The following FUT8 variants were observed in gnomAD, a reference collection of about 807,000 sequenced individuals.
FUT8 encodes alpha-(1,6)-fucosyltransferase.
FUT8 carries 29 observed loss-of-function variants against 71.3 expected under a neutral mutation model. The observed-to-expected ratio is 0.41, with a 90% CI of 0.30 to 0.55. The LOEUF is 0.55. Ranked by LOEUF, FUT8 falls within the 20% of genes least tolerant of loss-of-function variation. The pLI is 0.34. For synonymous variants in FUT8, 254 were observed against 239.3 expected, an observed-to-expected ratio of 1.06 and a Z score of -0.57; for missense variants, 544 against 702.1, an observed-to-expected ratio of 0.77 and a Z score of 2.55.
At chr14:65,707,372 T>G (rs142476554) in intron 7 of FUT8, among the ~76,000 whole-genome samples, 1 of 152,354 alleles carries the variant, frequency 6.6e-6, no homozygotes, top group African/African-American at 2.4e-5. Context: ...GCTATTGTTG[T>G]TTGAGTTGCT....
At chr14:65,704,927 T>C (rs1894484776) in intron 7 of FUT8, among the ~76,000 whole-genome samples, 1 of 152,234 alleles carries the variant, frequency 6.6e-6, no homozygotes, top group African/African-American at 2.4e-5. Context: ...TGAGATCAGT[T>C]AACCATAAGT....
chr14:65,730,325 A>G (rs1272021692), intron 9 of FUT8, among the ~76,000 whole-genome samples: 1 of 152,202 alleles, frequency 6.6e-6, no homozygotes, highest in Non-Finnish European at 1.5e-5. Context: ...TTCTGTGTGA[A>G]GATGATTGGT....
the FUT8 span, among the ~76,000 whole-genome samples, chr14:65,366,879 G>C: frequency 5.3e-5 from 8 of 152,158 alleles, no homozygotes; most frequent in African/African-American, 1.9e-4. Flanking sequence ...TTCTGAAGAG[G>C]CTACAGATTC....
At chr14:65,580,517 A>G (rs1270800541) in intron 3 of FUT8, among the ~76,000 whole-genome samples, 3 of 151,912 alleles carry the variant, frequency 2.0e-5, no homozygotes, top group African/African-American at 4.8e-5. Flanking sequence ...ATAACACACT[A>G]TGTATACACA....
chr14:65,553,522 C>T (rs1816908282), intron 2 of FUT8, among the ~76,000 whole-genome samples: 1 of 151,978 alleles, frequency 6.6e-6, no homozygotes, highest in South Asian at 2.1e-4. Context: ...GTGTGCAGAT[C>T]TGCATTTTTA....
At chr14:65,541,458 G>A (rs183345081) in intron 2 of FUT8, among the ~76,000 whole-genome samples, 5 of 152,264 alleles carry the variant, frequency 3.3e-5, no homozygotes, top group African/African-American at 1.2e-4. Flanking sequence ...GCCTTCGGAG[G>A]GGATTGCTGC....
intron 6 of FUT8, chr14:65,646,712 C>G (rs967309146): frequency 1.3e-5 from 2 of 152,020 alleles, no homozygotes; most frequent in African/African-American, 4.8e-5. Context: ...ACTGCCTCCT[C>G]TTCCTCTATC....
chr14:65,511,208 A>G (rs1169573126), intron 2 of FUT8, among the ~76,000 whole-genome samples: 1 of 152,110 alleles, frequency 6.6e-6, no homozygotes. Flanking sequence ...ATATATTTGT[A>G]TAGTTTCCAA....
chr14:65,724,475 A>T, intron 9 of FUT8, 152 bp downstream of exon 9: 1 of 558,008 alleles, frequency 1.8e-6, no homozygotes, highest in East Asian at 3.1e-5. Flanking sequence ...TGTAACTGTC[A>T]GTCTAATCAA....
intron 7 of FUT8, among the ~76,000 whole-genome samples, chr14:65,679,523 A>G (rs1892935487): frequency 6.6e-6 from 1 of 152,210 alleles, no homozygotes; most frequent in South Asian, 2.1e-4. Flanking sequence ...TGCATTAATA[A>G]TGGAAATTGA....
At chr14:65,538,115 A>G (rs934719557) in intron 2 of FUT8, among the ~76,000 whole-genome samples, 3 of 152,188 alleles carry the variant, frequency 2.0e-5, no homozygotes, top group African/African-American at 7.2e-5. Flanking sequence ...AGTCGAGCCT[A>G]GTGGGTTAGG....
At chr14:65,362,570 C>T in the FUT8 span, among the ~76,000 whole-genome samples, 8 of 152,164 alleles carry the variant, frequency 5.3e-5, no homozygotes, top group South Asian at 4.2e-4. Flanking sequence ...AAGGGTGATA[C>T]GCAATGCTAA....
intron 3 of FUT8, among the ~76,000 whole-genome samples, chr14:65,595,695 G>C (rs866037700): frequency 3.9e-5 from 5 of 128,406 alleles, no homozygotes; most frequent in Non-Finnish European, 6.3e-5. Context: ...TGCAAGCTCC[G>C]CCTCCCGGGT....
At chr14:65,551,689 A>G (rs994394614) in intron 2 of FUT8, among the ~76,000 whole-genome samples, 5 of 152,194 alleles carry the variant, frequency 3.3e-5, no homozygotes, top group East Asian at 1.9e-4. Flanking sequence ...TATATTATGT[A>G]TAGCTTTTTG....
the FUT8 span, among the ~76,000 whole-genome samples, chr14:65,376,267 C>G: frequency 2.0e-3 from 299 of 152,252 alleles, 5 homozygotes; most frequent in Non-Finnish European, 8.7e-4. Flanking sequence ...AGACAGTTGG[C>G]AGAAAGGCTT....
chr14:65,635,774 G>T lies in FUT8; in HGVS notation c.597+6168G>T, dbSNP rs546818111. ...AGGATTTTAGTGTCTATTTTCATCA[G>T]AGATACTGGTCTGTAGTTTTCTTTT... On this transcript the variant is annotated intron_variant, in intron 6 of 10. Transcript: ENST00000673929. Among the ~76,000 whole-genome samples, 70 of 152,296 alleles carry T rather than the reference G, an allele frequency of 4.6e-4. No homozygotes were observed. In the South Asian group the frequency reaches 0.014, roughly 30 times the overall value.
At chr14:65,577,101 C>T (rs1175459351) in intron 3 of FUT8, among the ~76,000 whole-genome samples, 1 of 151,920 alleles carries the variant, frequency 6.6e-6, no homozygotes, top group Non-Finnish European at 1.5e-5. Context: ...CCTCCTGCCT[C>T]AGCCTTCCAA....
At chr14:65,412,066 C>T, upstream of FUT8, 1 of 456,750 alleles carries the variant, frequency 2.2e-6, no homozygotes, top group Non-Finnish European at 4.4e-6. Context: ...AATAAACTTC[C>T]GCCTCAGAGG....
intron 6 of FUT8, among the ~76,000 whole-genome samples, chr14:65,639,237 TAAA>T (rs779183839): frequency 4.6e-5 from 7 of 152,108 alleles, no homozygotes; most frequent in Non-Finnish European, 8.8e-5. Context: ...TGATAGGAAG[TAAA>T]GAAGAAAATT....
Sources: allele counts gnomAD v4.1 joint callset (sites outside exome capture counted in the v4.1 genomes callset), GRCh38; gene constraint gnomAD v4.1.1; transcripts MANE v1.5; gene names NCBI Gene and HGNC (gene_info 2026-07-23, HGNC 2026-07-21).